The following USP6NL variants were observed in gnomAD, a reference collection of about 807,000 sequenced individuals.
USP6NL encodes the protein USP6 N-terminal like.
In USP6NL, 26 loss-of-function variants were observed where a neutral mutation model predicts 61.9. The observed-to-expected ratio is 0.42, with a 90% confidence interval of 0.31 to 0.58. USP6NL has a LOEUF of 0.58. Among genes scored for constraint, USP6NL ranks in the 20% least tolerant of loss-of-function variants. USP6NL has a pLI of 0.16. For synonymous variants in USP6NL, 432 were observed against 390.1 expected, an observed-to-expected ratio of 1.11 and a Z score of -1.27; for missense variants, 1,114 against 1,034.3, an observed-to-expected ratio of 1.08 and a Z score of -1.06.
In USP6NL at chr10:11,540,249, T is replaced by C. The variant is rs1287212374; in HGVS notation, c.5-12682A>G. On this transcript the variant is annotated intron_variant, in intron 2 of 14. Coordinates refer to ENST00000609104, the MANE Select transcript of USP6NL (RefSeq NM_014688.5). The surrounding 1 kb of genome is among the most constrained non-coding windows in gnomAD (Gnocchi z 5.0). ...TATTCTGAAGAATCCAAGAACAATT[T>C]ATATGAAATATTCTTTGTGGTCATA... Among the ~76,000 whole-genome samples, 1 of 152,182 alleles carries C rather than the reference T, an allele frequency of 6.6e-6. No individual in the cohort carries two copies. The highest frequency in any genetic ancestry group is 6.5e-5 in the Admixed American group (1 of 15,282).
chr10:11,487,840 T>G lies in USP6NL; in HGVS notation c.664+1262A>C, dbSNP rs1009872685. Reference sequence around the variant, plus strand: ...TCCACACACACACAATATCCTCACATGGTCAGAGTGTGAGACTTCACAAAC... The same window carrying G: ...TCCACACACACACAATATCCTCACAGGGTCAGAGTGTGAGACTTCACAAAC... On this transcript the variant is annotated intron_variant, in intron 10 of 14. Coordinates refer to ENST00000609104, the MANE Select transcript of USP6NL (RefSeq NM_014688.5). This position sits in a 1 kb window ranked among gnomAD's most constrained non-coding sequence, Gnocchi z 4.2. Among the ~76,000 whole-genome samples, 22 of 152,148 alleles carry G rather than the reference T, an allele frequency of 1.4e-4. No homozygotes were observed. The highest frequency in any genetic ancestry group is 5.3e-4 in the African/African-American group (22 of 41,422).
In USP6NL at chr10:11,574,492, G is replaced by A. The variant is rs1316447681; in HGVS notation, c.4+23139C>T. 6.6e-6 allele frequency among the ~76,000 whole-genome samples: 1 copy of A among 152,148 alleles called. No individual in the cohort carries two copies. The highest frequency in any genetic ancestry group is 2.1e-4 in the South Asian group (1 of 4,834). Reference sequence around the variant, plus strand: ...GTTTAACAGCCAAGTTGTAACAAATGCTGAATTAATATTTAATATATTTGT... The same window carrying A: ...GTTTAACAGCCAAGTTGTAACAAATACTGAATTAATATTTAATATATTTGT... On this transcript the variant is annotated intron_variant, in intron 2 of 14. Transcript: ENST00000609104. This position sits in a 1 kb window ranked among gnomAD's most constrained non-coding sequence, Gnocchi z 4.3.
chr10:11,502,314 G>C (rs1311831463), intron 6 of USP6NL, among the ~76,000 whole-genome samples: 2 of 150,752 alleles, frequency 1.3e-5, no homozygotes, highest in Non-Finnish European at 2.9e-5. Context: ...CCTTGAAAGT[G>C]TACTGCTATT....
Position 11,481,905 on chromosome 10 carries a change from A to C in USP6NL, c.943T>G (p.Ser315Ala). The change falls in exon 14 of 15, where the codon TCC (serine) becomes GCC (alanine). Residue 315 changes from serine to alanine, a missense_variant. Physicochemically the swap from Ser to Ala is moderately conservative, Grantham distance 99. Coordinates refer to ENST00000609104, the MANE Select transcript of USP6NL (RefSeq NM_014688.5). The surrounding 1 kb of genome is among the most constrained non-coding windows in gnomAD (Gnocchi z 4.4). ...KLHKKHLMKL[S>A]MEELVEFFQE... ...AAAAATTCTACAAGTTCTTCCATGGACAATTTCATTAGATGTTCTAAGAAA... is the reference window on the plus strand; with the variant it reads ...AAAAATTCTACAAGTTCTTCCATGGCCAATTTCATTAGATGTTCTAAGAAA... The C allele has an allele frequency of 6.2e-7, 1 of 1,609,088 alleles. No individual in the cohort carries two copies. Among genetic ancestry groups the C allele is most frequent in the Non-Finnish European group, 8.5e-7 (1 of 1,178,014 alleles).
At chr10:11,498,842 G>A (rs942832065) in intron 7 of USP6NL, among the ~76,000 whole-genome samples, 3 of 151,638 alleles carry the variant, frequency 2.0e-5, no homozygotes, top group African/African-American at 4.8e-5. Context: ...GAACCATAAA[G>A]GTGATTTCTT....
rs915214440 is a variant in USP6NL, at chr10:11,496,241, C to T, written c.385-3013G>A. Among the ~76,000 whole-genome samples, 4 of 152,234 alleles carry T rather than the reference C, an allele frequency of 2.6e-5. No homozygotes were observed. Among genetic ancestry groups the T allele is most frequent in the African/African-American group, 9.6e-5 (4 of 41,462 alleles). Reference sequence around the variant, plus strand: ...CACTGAGGGAGCTAAGGAGCTCTAACTGCTTCTGAAACAGACTTTCAACCA... The same window carrying T: ...CACTGAGGGAGCTAAGGAGCTCTAATTGCTTCTGAAACAGACTTTCAACCA... On this transcript the variant is annotated intron_variant, in intron 7 of 14. Coordinates refer to ENST00000609104, the MANE Select transcript of USP6NL (RefSeq NM_014688.5). This position sits in a 1 kb window ranked among gnomAD's most constrained non-coding sequence, Gnocchi z 5.4.
chr10:11,500,347 G>GA (rs888146786), intron 7 of USP6NL, among the ~76,000 whole-genome samples: 30 of 145,004 alleles, frequency 2.1e-4, no homozygotes, highest in South Asian at 4.4e-4. Context: ...AAAAGTTGAA[G>GA]AAAAAAAAAA....
At chr10:11,550,383 C>T (rs1466792465) in intron 2 of USP6NL, among the ~76,000 whole-genome samples, 3 of 151,984 alleles carry the variant, frequency 2.0e-5, no homozygotes, top group Admixed American at 1.3e-4. Flanking sequence ...GGCTTATATC[C>T]AGATTAAAGA....
Position 11,482,023 on chromosome 10 carries a change from G to C in USP6NL, c.926-101C>G. On this transcript the variant is annotated intron_variant, in intron 13 of 14. Coordinates refer to ENST00000609104, the MANE Select transcript of USP6NL (RefSeq NM_014688.5). The surrounding 1 kb of genome is among the most constrained non-coding windows in gnomAD (Gnocchi z 4.0). ...GTGTAGTGTAAAAGGGCATTAAAAA[G>C]GGCGCAAGCAGCATACAACTTACAT... The C allele has an allele frequency of 1.6e-6, 2 of 1,235,164 alleles. No homozygotes were observed. Among genetic ancestry groups the C allele is most frequent in the Non-Finnish European group, 2.2e-6 (2 of 922,318 alleles). The allele number at this position is 1,235,164 out of a possible 1,614,324, so 76.5% of individuals were successfully genotyped here. A position where few individuals can be genotyped will look rare whatever the true frequency, so the allele number is the denominator to read the frequency against.
Position 11,540,399 on chromosome 10 carries a change from C to A in USP6NL, c.5-12832G>T, listed in dbSNP as rs947855215. ...AATGACACTGAACTTTACTAAAACA[C>A]TTTATCCTTTTAGTATTACTAAAGC... On this transcript the variant is annotated intron_variant, in intron 2 of 14. Transcript: ENST00000609104. This position sits in a 1 kb window ranked among gnomAD's most constrained non-coding sequence, Gnocchi z 5.0. Among the ~76,000 whole-genome samples, 3 of 152,262 alleles carry A rather than the reference C, an allele frequency of 2.0e-5. No homozygotes were observed. Among genetic ancestry groups the A allele is most frequent in the Non-Finnish European group, 4.4e-5 (3 of 67,994 alleles).
Position 11,597,783 on chromosome 10 carries a change from T to C in USP6NL, c.-83-66A>G. On this transcript the variant is annotated intron_variant, in intron 1 of 14. Transcript: ENST00000609104. This position sits in a 1 kb window ranked among gnomAD's most constrained non-coding sequence, Gnocchi z 4.6. ...GGTCAATATTTAAAATAAAGTTTTC[T>C]TAAAGAAAATCATTTTGTTTCAAAA... is the stretch of plus-strand genomic sequence containing the variant. The C allele has an allele frequency of 3.6e-6, 2 of 562,488 alleles. No homozygotes were observed. Among genetic ancestry groups the C allele is most frequent in the Non-Finnish European group, 6.3e-6 (2 of 318,844 alleles). The allele number at this position is 562,488 out of a possible 1,614,324, so 34.8% of individuals were successfully genotyped here. A position where few individuals can be genotyped will look rare whatever the true frequency, so the allele number is the denominator to read the frequency against.
intron 2 of USP6NL, among the ~76,000 whole-genome samples, chr10:11,555,278 G>C (rs971622189): frequency 1.3e-4 from 19 of 148,786 alleles, no homozygotes; most frequent in Non-Finnish European, 2.7e-4. Flanking sequence ...AGCCAGGTAT[G>C]GTGGCAGGCA....
In USP6NL at chr10:11,485,999, G is replaced by A. The variant is rs1833451869; in HGVS notation, c.665-88C>T. 3 of 945,660 alleles carry A rather than the reference G, an allele frequency of 3.2e-6. No individual in the cohort carries two copies. Among genetic ancestry groups the A allele is most frequent in the Non-Finnish European group, 4.5e-6 (3 of 661,718 alleles). The allele number at this position is 945,660 out of a possible 1,614,324, so 58.6% of individuals were successfully genotyped here. A position where few individuals can be genotyped will look rare whatever the true frequency, so the allele number is the denominator to read the frequency against. On this transcript the variant is annotated intron_variant, in intron 10 of 14. Transcript: ENST00000609104. This position sits in a 1 kb window ranked among gnomAD's most constrained non-coding sequence, Gnocchi z 4.8. ...AACACAACATATTTCATTTGTAACT[G>A]TCAAAAATAAAAAGAAACATTCAGT...
intron 2 of USP6NL, among the ~76,000 whole-genome samples, chr10:11,536,064 T>G (rs1263940012): frequency 6.6e-6 from 1 of 152,188 alleles, no homozygotes. Flanking sequence ...AAGGTACATC[T>G]GCAACAAGAG....
At chr10:11,610,885 C>G (rs1441029413) in intron 1 of USP6NL, among the ~76,000 whole-genome samples, 1 of 152,098 alleles carries the variant, frequency 6.6e-6, no homozygotes, top group African/African-American at 2.4e-5. Flanking sequence ...ACCGTTTTCA[C>G]GCATTACAAA....
intron 2 of USP6NL, among the ~76,000 whole-genome samples, chr10:11,539,948 G>A (rs138116914): frequency 1.3e-5 from 2 of 152,192 alleles, no homozygotes; most frequent in South Asian, 2.1e-4. Flanking sequence ...CAGGCCATAT[G>A]GGAAGTAAGA....
intron 2 of USP6NL, among the ~76,000 whole-genome samples, chr10:11,555,493 G>A (rs1836677704): frequency 7.2e-6 from 1 of 138,596 alleles, no homozygotes; most frequent in South Asian, 2.4e-4. Context: ...GAGAGAGAGA[G>A]AAGAGGAATA....
chr10:11,500,208 C>T (rs1053204167), intron 7 of USP6NL, among the ~76,000 whole-genome samples: 1 of 152,044 alleles, frequency 6.6e-6, no homozygotes, highest in African/African-American at 2.4e-5. Context: ...GGAAGAATAG[C>T]CAATGAGTGC....
At chr10:11,590,249 C>A (rs972363592) in intron 2 of USP6NL, among the ~76,000 whole-genome samples, 1 of 151,990 alleles carries the variant, frequency 6.6e-6, no homozygotes, top group East Asian at 1.9e-4. Flanking sequence ...AAAGTCACAC[C>A]AAAATACTAT....
Sources: allele counts gnomAD v4.1 joint callset (sites outside exome capture counted in the v4.1 genomes callset), GRCh38; gene constraint gnomAD v4.1.1; non-coding constraint Gnocchi (gnomAD v3.1); transcripts MANE v1.5; gene names NCBI Gene and HGNC (gene_info 2026-07-23, HGNC 2026-07-21).